The following NTNG2 variants were observed in gnomAD, a reference collection of about 807,000 sequenced individuals.
The protein encoded by NTNG2 is netrin G2, also known as netrin-G2.
A neutral mutation model predicts 47.6 loss-of-function variants in NTNG2; 15 were observed. The observed-to-expected ratio is 0.32, with a 90% CI of 0.21 to 0.49. NTNG2 has a LOEUF of 0.49. NTNG2 is among the 20% of genes least tolerant of loss of function. The pLI, the probability that NTNG2 is intolerant of heterozygous loss-of-function variation, is 0.99. For missense variants in NTNG2, 578 were observed against 764.6 expected, an observed-to-expected ratio of 0.76 and a Z score of 2.88; for synonymous variants, 307 against 324.6, an observed-to-expected ratio of 0.95 and a Z score of 0.58.
In NTNG2 at chr9:132,198,259, G is replaced by A. The variant is rs1838466690; in HGVS notation, c.507G>A (p.Glu169=). ...RTWQPYQFYA[E]DCMEAFGMSA... is the part of the protein sequence containing the mutation. Reference sequence around the variant, plus strand: ...GGCAGCCCTACCAGTTCTACGCCGAGGACTGCATGGAGGCCTTCGGTATGT... The same window carrying A: ...GGCAGCCCTACCAGTTCTACGCCGAAGACTGCATGGAGGCCTTCGGTATGT... The change falls in exon 3 of 8, where the codon GAG becomes GAA. Residue 169 remains glutamate, a synonymous_variant. Transcript: ENST00000393229. The A allele has an allele frequency of 2.5e-6, 4 of 1,612,826 alleles. No homozygotes were observed. Among genetic ancestry groups the A allele is most frequent in the Non-Finnish European group, 3.4e-6 (4 of 1,180,040 alleles).
chr9:132,206,640 C>T (rs530832543), intron 3 of NTNG2, among the ~76,000 whole-genome samples: 15 of 152,338 alleles, frequency 9.8e-5, no homozygotes, highest in African/African-American at 3.6e-4. Flanking sequence ...GCACTCCAGC[C>T]TGGGTGACAG....
intron 3 of NTNG2, among the ~76,000 whole-genome samples, chr9:132,201,243 C>T (rs1047022770): frequency 6.6e-6 from 1 of 152,262 alleles, no homozygotes; most frequent in African/African-American, 2.4e-5. Context: ...CTTGATTTCC[C>T]ATCTGTGACA....
Position 132,221,985 on chromosome 9 carries a change from C to T in NTNG2, c.858-4864C>T, listed in dbSNP as rs568728186. ...AGGCCAGCAGTGCGGAGCACAGCCCCGGTTCCGTACAGCTGAGGTGTTCCT... is the reference window on the plus strand; with the variant it reads ...AGGCCAGCAGTGCGGAGCACAGCCCTGGTTCCGTACAGCTGAGGTGTTCCT... On this transcript the variant is annotated intron_variant, in intron 3 of 7. Coordinates refer to ENST00000393229, the MANE Select transcript of NTNG2 (RefSeq NM_032536.4). This position sits in a 1 kb window ranked among gnomAD's most constrained non-coding sequence, Gnocchi z 4.2. Among the ~76,000 whole-genome samples the T allele has an allele frequency of 6.8e-4, 104 of 152,324 alleles. No individual in the cohort carries two copies. The highest frequency in any genetic ancestry group is 2.3e-3 in the African/African-American group (97 of 41,562).
chr9:132,190,232 C>CA (rs58974463), intron 2 of NTNG2, among the ~76,000 whole-genome samples: 1,696 of 69,756 alleles, frequency 0.024, 116 homozygotes, highest in African/African-American at 0.047. Context: ...GACTCCATCT[C>CA]AAAAAAAAAA....
rs552747678 is a variant in NTNG2, at chr9:132,236,509, T to G, written c.1055-2595T>G. On this transcript the variant is annotated intron_variant, in intron 5 of 7. Coordinates refer to ENST00000393229, the MANE Select transcript of NTNG2 (RefSeq NM_032536.4). The surrounding 1 kb of genome is among the most constrained non-coding windows in gnomAD (Gnocchi z 4.3). ...GGTGAGCTGTTCCTTCCAGCTCACA[T>G]GTTCAAATTTCCTCCAGCCCCAGCT... Among the ~76,000 whole-genome samples, 5 of 152,290 alleles carry G rather than the reference T, an allele frequency of 3.3e-5. No homozygotes were observed. The highest frequency in any genetic ancestry group is 2.0e-4 in the Admixed American group (3 of 15,304).
rs73661561 is a variant in NTNG2 at position 132,207,360 on chromosome 9, G to T, written c.857+8751G>T. Among the ~76,000 whole-genome samples the T allele has an allele frequency of 9.3e-3, 1,421 of 152,244 alleles. 21 individuals carry two copies. Among genetic ancestry groups the T allele is most frequent in the African/African-American group, 0.032 (1,315 of 41,528 alleles). Reference sequence around the variant, plus strand: ...GAGGGGAATCTGTCCCATACCCTCCGCCCTCCGCTCGCTCCTGGTGGGGCC... The same window carrying T: ...GAGGGGAATCTGTCCCATACCCTCCTCCCTCCGCTCGCTCCTGGTGGGGCC... On this transcript the variant is annotated intron_variant, in intron 3 of 7. Transcript: ENST00000393229.
chr9:132,183,293 C>T (rs374737860), intron 2 of NTNG2, among the ~76,000 whole-genome samples: 1 of 152,216 alleles, frequency 6.6e-6, no homozygotes, highest in African/African-American at 2.4e-5. Context: ...GTCACGGGCG[C>T]TGCTTAATGT....
chr9:132,172,855 C>G (rs1276073257), intron 2 of NTNG2, among the ~76,000 whole-genome samples: 1 of 151,806 alleles, frequency 6.6e-6, no homozygotes, highest in Non-Finnish European at 1.5e-5. Context: ...TCAGCCTCCC[C>G]AGTAGCTGGG....
intron 3 of NTNG2, among the ~76,000 whole-genome samples, chr9:132,213,307 C>A (rs146735380): frequency 7.5e-6 from 1 of 134,208 alleles, no homozygotes; most frequent in Non-Finnish European, 1.5e-5. Context: ...CCAGCCTGGG[C>A]GATGACAGAG....
chr9:132,202,887 G>A (rs1484744807), intron 3 of NTNG2, among the ~76,000 whole-genome samples: 1 of 152,176 alleles, frequency 6.6e-6, no homozygotes, highest in Admixed American at 6.5e-5. Context: ...CCATGGAGAT[G>A]GATGACTGTA....
intron 2 of NTNG2, among the ~76,000 whole-genome samples, chr9:132,179,265 C>T (rs1411328174): frequency 6.6e-6 from 1 of 152,204 alleles, no homozygotes; most frequent in Admixed American, 6.5e-5. Context: ...CCAGTGGGGG[C>T]CGGAGCTGCC....
At chr9:132,222,823 A>G (rs1189833036) in intron 3 of NTNG2, among the ~76,000 whole-genome samples, 1 of 152,180 alleles carries the variant, frequency 6.6e-6, no homozygotes, top group Non-Finnish European at 1.5e-5. Flanking sequence ...CATGGACTTT[A>G]GGCCAGTCGC....
chr9:132,227,048 GC>G, intron 4 of NTNG2, 27 bp downstream of exon 4: 1 of 1,566,108 alleles, frequency 6.4e-7, no homozygotes. Flanking sequence ...GGGGCCACGA[GC>G]CCACATGGCT....
chr9:132,189,948 C>A (rs62577493), intron 2 of NTNG2, among the ~76,000 whole-genome samples: 14,053 of 146,806 alleles, frequency 0.096, 731 homozygotes, highest in Middle Eastern at 0.15. Context: ...TGTGCCCAGC[C>A]TAAAATATTT....
chr9:132,238,411 G>A (rs1841774490), intron 5 of NTNG2, among the ~76,000 whole-genome samples: 1 of 152,160 alleles, frequency 6.6e-6, no homozygotes, highest in Non-Finnish European at 1.5e-5. Context: ...GAAACCATGT[G>A]CTTCCAGGAG....
chr9:132,175,145 G>A (rs1458832609), intron 2 of NTNG2, among the ~76,000 whole-genome samples: 2 of 151,948 alleles, frequency 1.3e-5, no homozygotes, highest in Admixed American at 6.6e-5. Context: ...AGGGGAAAGT[G>A]TGTGGGTGAC....
In NTNG2 at chr9:132,197,962, G is replaced by A. The variant is rs367722327; in HGVS notation, c.214-4G>A. The stretch of plus-strand genomic sequence containing the variant: ...ACCCTTCCCTTCTCCTCTCCCCGCT[G>A]CAGGAGAATCCCTACCTATGCAGCA... On this transcript the variant is annotated splice_region_variant and splice_polypyrimidine_tract_variant and intron_variant, in intron 2 of 7. Coordinates refer to ENST00000393229, the MANE Select transcript of NTNG2 (RefSeq NM_032536.4). This position sits in a 1 kb window ranked among gnomAD's most constrained non-coding sequence, Gnocchi z 4.3. The A allele has an allele frequency of 1.2e-6, 2 of 1,607,124 alleles. No homozygotes were observed. Among genetic ancestry groups the A allele is most frequent in the Admixed American group, 3.3e-5 (2 of 59,834 alleles).
intron 2 of NTNG2, among the ~76,000 whole-genome samples, chr9:132,185,194 G>A (rs753519937): frequency 6.6e-6 from 1 of 152,178 alleles, no homozygotes; most frequent in African/African-American, 2.4e-5. Context: ...CAGCCCATCC[G>A]GAAACCTCTT....
chr9:132,243,353 G>T lies in NTNG2; in HGVS notation c.*1242G>T, dbSNP rs1363430625. On this transcript the variant is annotated 3_prime_UTR_variant, in exon 8 of 8. Coordinates refer to ENST00000393229, the MANE Select transcript of NTNG2 (RefSeq NM_032536.4). ...AGAGGCGGGCAGTGCAGAGACCCCA[G>T]ACGTGCCGGCCCTGTCCTCCCTACC... 6.6e-6 allele frequency: 1 copy of T among 152,286 alleles called. No individual in the cohort carries two copies. Among genetic ancestry groups the T allele is most frequent in the Non-Finnish European group, 1.5e-5 (1 of 68,096 alleles). 9.4% of individuals were successfully genotyped at this position (152,286 alleles called of 1,614,324 possible).
Sources: gnomAD v4.1 joint callset for allele counts (sites outside exome capture counted in the v4.1 genomes callset) on GRCh38, gnomAD v4.1.1 for gene constraint, Gnocchi (gnomAD v3.1) non-coding constraint, MANE v1.5 for transcripts, NCBI Gene and HGNC (gene_info 2026-07-23, HGNC 2026-07-21) for gene names.